ANKAR: variants seen among roughly 807,000 people sequenced by gnomAD.
ANKAR encodes the protein ankyrin and armadillo repeat-containing protein.
A neutral mutation model predicts 146.2 loss-of-function variants in ANKAR; 136 were observed. That is an observed-to-expected ratio of 0.93 (90% CI 0.81 to 1.07). ANKAR has a LOEUF of 1.07. ANKAR is among the 50% of genes least tolerant of loss of function. ANKAR has a pLI of 0.00. For synonymous variants in ANKAR, 500 were observed against 575.8 expected, an observed-to-expected ratio of 0.87 and a Z score of 1.88; for missense variants, 1,567 against 1,679.9, an observed-to-expected ratio of 0.93 and a Z score of 1.18.
intron 2 of ANKAR, among the ~76,000 whole-genome samples, chr2:189,677,804 C>T (rs1388274561): frequency 6.6e-6 from 1 of 151,994 alleles, no homozygotes; most frequent in Non-Finnish European, 1.5e-5. Flanking sequence ...TGCCACTGCA[C>T]CTGGCCACCA....
At chr2:189,741,506 C>T (rs2043326905) in intron 20 of ANKAR, 55 bp downstream of exon 20, 9 of 1,335,148 alleles carry the variant, frequency 6.7e-6, no homozygotes, top group South Asian at 1.3e-5. Flanking sequence ...ATATAATTTA[C>T]CTCTCCCTCT....
At chr2:189,695,245 G>T in intron 6 of ANKAR, 84 bp downstream of exon 6, 1 of 1,158,002 alleles carries the variant, frequency 8.6e-7, no homozygotes, top group East Asian at 2.5e-5. Flanking sequence ...GTTTATCCTA[G>T]GGATAATAAT....
At chr2:189,702,355 A>C (rs1372392175) in intron 7 of ANKAR, among the ~76,000 whole-genome samples, 1 of 152,176 alleles carries the variant, frequency 6.6e-6, no homozygotes, top group Non-Finnish European at 1.5e-5. Context: ...ATGGGGCCCC[A>C]CTATGATGGA....
At chr2:189,748,955 T>C (rs114745029), downstream of ANKAR, among the ~76,000 whole-genome samples, 1 of 152,134 alleles carries the variant, frequency 6.6e-6, no homozygotes, top group African/African-American at 2.4e-5. Context: ...CTATAAAGAT[T>C]ATTTTTATTG....
chr2:189,718,629 T>C (rs1005772812), intron 10 of ANKAR, among the ~76,000 whole-genome samples: 5 of 152,210 alleles, frequency 3.3e-5, no homozygotes, highest in African/African-American at 1.2e-4. Flanking sequence ...ATAAGGTCTT[T>C]ATTATATCTA....
chr2:189,757,769 C>T (rs1000538019), intron 18 of ANKAR, among the ~76,000 whole-genome samples: 3 of 152,174 alleles, frequency 2.0e-5, no homozygotes, highest in Non-Finnish European at 4.4e-5. Context: ...CTAAGTATTG[C>T]CTGGCAGCTA....
chr2:189,675,146 G>A (rs1406576282), intron 1 of ANKAR, among the ~76,000 whole-genome samples: 1 of 151,988 alleles, frequency 6.6e-6, no homozygotes, highest in Non-Finnish European at 1.5e-5. Flanking sequence ...ACTCAGTGGT[G>A]GGATTCAGCG....
chr2:189,719,306 G>T (rs551778650), intron 10 of ANKAR, among the ~76,000 whole-genome samples: 2 of 152,238 alleles, frequency 1.3e-5, no homozygotes, highest in African/African-American at 4.8e-5. Context: ...TTTCAATGGT[G>T]GCTTAAGGTT....
rs61744814 is a variant in ANKAR, at chr2:189,744,778, C to T, written c.4047C>T (p.Ile1349=). The change falls in exon 22 of 23, where the codon ATC becomes ATT. Residue 1349 remains isoleucine, a synonymous_variant. Coordinates refer to ENST00000684021, the MANE Select transcript of ANKAR (RefSeq NM_001378068.1). Reference sequence around the variant, plus strand: ...ATGGAGGACCATCCATAATTCCTATCTTTAAAAGAGGTAATTGATTTTTCT... The same window carrying T: ...ATGGAGGACCATCCATAATTCCTATTTTTAAAAGAGGTAATTGATTTTTCT... The part of the protein sequence containing the change: ...EKNGGPSIIP[I]FKRGKEHRRK... The T allele has an allele frequency of 3.0e-3, 4,735 of 1,588,122 alleles. 116 individuals are homozygous for T. In the African/African-American group the frequency reaches 0.056, roughly 19 times the overall value.
rs376593704 is a variant in ANKAR at position 189,692,284 on chromosome 2, C to A, written c.1069C>A (p.Pro357Thr). Residue 357 changes from proline to threonine, a missense_variant, in exon 4 of 23, where the codon CCT becomes ACT. Pro to Thr is a conservative substitution (Grantham distance 38). Coordinates refer to ENST00000684021, the MANE Select transcript of ANKAR (RefSeq NM_001378068.1). Reference sequence around the variant, plus strand: ...CAAGGTCAAGACAGAGCGAGAATTGCCTCCATTTATTTATGGAAGAGATTT... The same window carrying A: ...CAAGGTCAAGACAGAGCGAGAATTGACTCCATTTATTTATGGAAGAGATTT... Reference protein sequence around the residue: ...DDKVKTERELPPFIYGRDFKC... With the variant: ...DDKVKTERELTPFIYGRDFKC... 2.5e-6 allele frequency: 4 copies of A among 1,611,772 alleles called. No homozygotes were observed. Among genetic ancestry groups the A allele is most frequent in the Non-Finnish European group, 3.4e-6 (4 of 1,179,356 alleles).
At chr2:189,720,416 T>G (rs1250106099) in intron 11 of ANKAR, among the ~76,000 whole-genome samples, 1 of 152,078 alleles carries the variant, frequency 6.6e-6, no homozygotes, top group African/African-American at 2.4e-5. Context: ...CCTGGCTAAT[T>G]TTTGTATTTT....
At chr2:189,688,153 G>A (rs2035877069) in intron 2 of ANKAR, among the ~76,000 whole-genome samples, 2 of 152,214 alleles carry the variant, frequency 1.3e-5, no homozygotes, top group Admixed American at 6.5e-5. Flanking sequence ...GTGAGAGATA[G>A]GGGTCTAGTT....
chr2:189,741,938 G>A (rs991640030), intron 20 of ANKAR, among the ~76,000 whole-genome samples: 5 of 152,072 alleles, frequency 3.3e-5, no homozygotes, highest in South Asian at 2.1e-4. Flanking sequence ...AATGAAAACC[G>A]GTGACTCTGA....
In ANKAR at chr2:189,692,442, A is replaced by G. The variant is rs771033571; in HGVS notation, c.1203+24A>G. 1.9e-6 allele frequency: 3 copies of G among 1,583,914 alleles called. No individual in the cohort carries two copies. The Admixed American group carries it at 5.7e-5, about 30-fold the overall frequency. On this transcript the variant is annotated intron_variant, in intron 4 of 22. Coordinates refer to ENST00000684021, the MANE Select transcript of ANKAR (RefSeq NM_001378068.1). ...AGGTTTAAATGATCATTCCTTAGAC[A>G]ATTTATCATTTCACAACTCTTTTAT...
chr2:189,679,570 T>C (rs2034310267), intron 2 of ANKAR, among the ~76,000 whole-genome samples: 2 of 152,210 alleles, frequency 1.3e-5, no homozygotes, highest in Admixed American at 6.5e-5. Flanking sequence ...TTCAGTGTTT[T>C]CCTGTTCAGT....
chr2:189,700,797 T>C (rs1277559061), intron 7 of ANKAR, among the ~76,000 whole-genome samples: 1 of 152,208 alleles, frequency 6.6e-6, no homozygotes, highest in Admixed American at 6.5e-5. Context: ...TGTCTTTCTT[T>C]GCCTGACTTA....
At chr2:189,714,788 T>C (rs902987372) in intron 10 of ANKAR, among the ~76,000 whole-genome samples, 1 of 149,906 alleles carries the variant, frequency 6.7e-6, no homozygotes, top group African/African-American at 2.5e-5. Context: ...CTACTAAAAG[T>C]ACAAAAAATT....
intron 7 of ANKAR, 96 bp downstream of exon 7, chr2:189,696,465 G>A: frequency 8.3e-7 from 1 of 1,201,166 alleles, no homozygotes; most frequent in South Asian, 1.6e-5. Context: ...TTAAAATTTG[G>A]TATTAACTAG....
rs1386738292 is a variant in ANKAR at position 189,744,734 on chromosome 2, C to G, written c.4011-8C>G. ...TTTATTTTAATGACAAAAATGTTTT[C>G]CTTTTAGTCTGGAGAAGAATGGAGG... is the stretch of plus-strand genomic sequence containing the variant. On this transcript the variant is annotated splice_polypyrimidine_tract_variant and splice_region_variant and intron_variant, in intron 21 of 22. Coordinates refer to ENST00000684021, the MANE Select transcript of ANKAR (RefSeq NM_001378068.1). 1 of 1,581,142 alleles carries G rather than the reference C, an allele frequency of 6.3e-7. No homozygotes were observed.
Sources: allele counts gnomAD v4.1 joint callset (sites outside exome capture counted in the v4.1 genomes callset), GRCh38; gene constraint gnomAD v4.1.1; transcripts MANE v1.5; gene names NCBI Gene and HGNC (gene_info 2026-07-23, HGNC 2026-07-21).